Variants in KCNIP1 observed in about 807,000 individuals in gnomAD.
KCNIP1 encodes A-type potassium channel modulatory protein KCNIP1.
Under a neutral mutation model 33.0 loss-of-function variants are expected in KCNIP1, and 18 were observed. The observed-to-expected ratio is 0.55, with a 90% CI of 0.38 to 0.81. The LOEUF (loss-of-function observed/expected upper bound fraction) is 0.81, where lower values mean the gene tolerates loss of function less well. KCNIP1 is among the 30% of genes least tolerant of loss of function. KCNIP1 has a pLI of 0.00. For synonymous variants in KCNIP1, 93 were observed against 98.3 expected (o/e 0.95, Z 0.32); for missense variants, 238 against 271.6 (o/e 0.88, Z 0.87).
intron 1 of KCNIP1, among the ~76,000 whole-genome samples, chr5:170,715,074 T>C (rs1253963498): frequency 6.6e-6 from 1 of 152,234 alleles, no homozygotes; most frequent in Admixed American, 6.5e-5. Flanking sequence ...TTTTTTATTT[T>C]TTACACCTTA....
At position 170,529,672 on chromosome 5, in the gene KCNIP1, T is replaced by C. The variant is rs376981266; in HGVS notation, c.61+25039T>C. 5.3e-5 allele frequency among the ~76,000 whole-genome samples: 8 copies of C among 152,248 alleles called. No individual in the cohort carries two copies. The East Asian group carries it at 1.2e-3, about 22-fold the overall frequency. ...CTGTTAGGACTGTGCTCATTGTACA[T>C]GGACCTTCTTCTGAACCTCTGAGAT... is the stretch of plus-strand genomic sequence containing the variant. On this transcript the variant is annotated intron_variant, in intron 1 of 7. Transcript: ENST00000328939.
At chr5:170,623,828 CTG>C in intron 1 of KCNIP1, among the ~76,000 whole-genome samples, 1 of 152,294 alleles carries the variant, frequency 6.6e-6, no homozygotes, top group South Asian at 2.1e-4. Flanking sequence ...CATTTGGACA[CTG>C]GGAGGTCTTA....
chr5:170,444,718 T>C (rs565369528), intron 1 of KCNIP1, among the ~76,000 whole-genome samples: 48 of 151,962 alleles, frequency 3.2e-4, no homozygotes, highest in Admixed American at 1.1e-3. Flanking sequence ...AAAAAAACCT[T>C]CTTCCCCAAG....
intron 1 of KCNIP1, among the ~76,000 whole-genome samples, chr5:170,540,440 C>T (rs1458583912): frequency 6.6e-6 from 1 of 152,222 alleles, no homozygotes; most frequent in Non-Finnish European, 1.5e-5. Context: ...ATTGCACCAA[C>T]AGCTGTTGCC....
chr5:170,499,047 A>G (rs1218936466), upstream of KCNIP1, among the ~76,000 whole-genome samples: 1 of 152,142 alleles, frequency 6.6e-6, no homozygotes, highest in Non-Finnish European at 1.5e-5. Flanking sequence ...CAAAGCAGGA[A>G]ACTCGGCCTT....
At chr5:170,721,622 A>T in intron 3 of KCNIP1, 1 of 871,880 alleles carries the variant, frequency 1.1e-6, no homozygotes, top group Non-Finnish European at 1.8e-6. Flanking sequence ...GGCTAGAGGG[A>T]GGGGCAAGGG....
intron 1 of KCNIP1, among the ~76,000 whole-genome samples, chr5:170,470,456 C>G (rs984562468): frequency 2.6e-5 from 4 of 151,994 alleles, no homozygotes; most frequent in Non-Finnish European, 2.9e-5. Context: ...GATCTTGGGT[C>G]TGCCCACCCG....
At chr5:170,686,889 G>T (rs897013664) in intron 1 of KCNIP1, among the ~76,000 whole-genome samples, 5 of 152,086 alleles carry the variant, frequency 3.3e-5, no homozygotes, top group African/African-American at 1.2e-4. Context: ...AGTCAGAGCC[G>T]TCTGCAGATT....
At chr5:170,378,790 G>A (rs1436911192) in intron 1 of KCNIP1, 2 of 1,614,238 alleles carry the variant, frequency 1.2e-6, no homozygotes, top group Non-Finnish European at 1.7e-6. Context: ...AGGAAGGTGG[G>A]CCAGAAGAGG....
chr5:170,433,961 G>C (rs571440004), intron 1 of KCNIP1, among the ~76,000 whole-genome samples: 86 of 152,214 alleles, frequency 5.6e-4, no homozygotes, highest in South Asian at 6.2e-4. Flanking sequence ...GCTCACTTTA[G>C]CTCCCATTTC....
intron 1 of KCNIP1, among the ~76,000 whole-genome samples, chr5:170,530,142 G>C (rs1755733108): frequency 6.6e-6 from 1 of 152,200 alleles, no homozygotes; most frequent in Non-Finnish European, 1.5e-5. Flanking sequence ...CTGGCACCTA[G>C]TACACTGCCT....
At chr5:170,467,505 C>T (rs1581218607) in intron 1 of KCNIP1, among the ~76,000 whole-genome samples, 1 of 152,070 alleles carries the variant, frequency 6.6e-6, no homozygotes, top group African/African-American at 2.4e-5. Context: ...GAGGCTGGTG[C>T]AGGGGCAGGG....
rs1754672882 is a variant in KCNIP1 at position 170,393,600 on chromosome 5, A to T, written c.88+39636A>T. Among the ~76,000 whole-genome samples, 3 of 152,372 alleles carry T rather than the reference A, an allele frequency of 2.0e-5. 1 individual carries two copies. Among genetic ancestry groups the T allele is most frequent in the African/African-American group, 7.2e-5 (3 of 41,592 alleles). Reference sequence around the variant, plus strand: ...GAAAGATGTGTTTTAAATGAGAGACAGTAATAAAAGGCAGAGGAAATAACG... The same window carrying T: ...GAAAGATGTGTTTTAAATGAGAGACTGTAATAAAAGGCAGAGGAAATAACG... On this transcript the variant is annotated intron_variant, in intron 1 of 7. Transcript: ENST00000377360.
chr5:170,556,531 G>A (rs1396493879), intron 1 of KCNIP1, among the ~76,000 whole-genome samples: 5 of 152,192 alleles, frequency 3.3e-5, no homozygotes, highest in Admixed American at 3.3e-4. Flanking sequence ...CTCTCCAGGA[G>A]GTGGGGGGTG....
intron 1 of KCNIP1, among the ~76,000 whole-genome samples, chr5:170,630,599 A>T (rs35115663): frequency 6.6e-6 from 1 of 151,956 alleles, no homozygotes; most frequent in South Asian, 2.1e-4. Flanking sequence ...AACAAAGGAG[A>T]GAGAGGATCC....
chr5:170,543,207 G>A (rs868549278), intron 1 of KCNIP1, among the ~76,000 whole-genome samples: 11 of 152,280 alleles, frequency 7.2e-5, no homozygotes, highest in African/African-American at 9.6e-5. Context: ...GAGCGTTCAC[G>A]CCTATGTAAA....
chr5:170,391,663 T>C (rs144003227), intron 1 of KCNIP1, among the ~76,000 whole-genome samples: 191 of 152,314 alleles, frequency 1.3e-3, no homozygotes, highest in Non-Finnish European at 2.2e-3. Context: ...AGGCTCACAA[T>C]AGACCACTGA....
intron 1 of KCNIP1, among the ~76,000 whole-genome samples, chr5:170,539,981 G>C (rs917870002): frequency 6.6e-6 from 1 of 152,144 alleles, no homozygotes; most frequent in Non-Finnish European, 1.5e-5. Context: ...AATGAGAAAA[G>C]ATTTTTTAAA....
At chr5:170,665,848 T>C (rs989877233) in intron 1 of KCNIP1, among the ~76,000 whole-genome samples, 1 of 152,208 alleles carries the variant, frequency 6.6e-6, no homozygotes, top group Non-Finnish European at 1.5e-5. Flanking sequence ...TCTGAAGTTT[T>C]TCTGATGATT....
Sources: gnomAD v4.1 joint callset for allele counts (sites outside exome capture counted in the v4.1 genomes callset) on GRCh38, gnomAD v4.1.1 for gene constraint, MANE v1.5 for transcripts, NCBI Gene and HGNC (gene_info 2026-07-23, HGNC 2026-07-21) for gene names.